PTK2B: variants seen among roughly 807,000 people sequenced by gnomAD.
PTK2B encodes the protein protein-tyrosine kinase 2-beta.
A neutral mutation model predicts 142.9 loss-of-function variants in PTK2B; 71 were observed. That is an observed-to-expected ratio of 0.50 (90% CI 0.41 to 0.61). The LOEUF is 0.61. Among genes scored for constraint, PTK2B ranks in the 20% least tolerant of loss-of-function variants. PTK2B has a pLI of 0.00. For missense variants in PTK2B, 1,105 were observed against 1,320.4 expected (o/e 0.84, Z 2.53); for synonymous variants, 519 against 503.4 (o/e 1.03, Z -0.42).
intron 2 of PTK2B, among the ~76,000 whole-genome samples, chr8:27,398,265 G>T (rs972459990): frequency 6.6e-6 from 1 of 152,190 alleles, no homozygotes; most frequent in African/African-American, 2.4e-5. Flanking sequence ...AAGTAGAGGT[G>T]CTTTGAGCCA....
intron 1 of PTK2B, among the ~76,000 whole-genome samples, chr8:27,338,585 A>G (rs189996206): frequency 1.3e-5 from 2 of 152,328 alleles, no homozygotes; most frequent in East Asian, 1.9e-4. Context: ...TGCTGAATCT[A>G]TATTATAGTA....
intron 2 of PTK2B, among the ~76,000 whole-genome samples, chr8:27,401,421 T>G (rs1434977059): frequency 6.6e-6 from 1 of 152,180 alleles, no homozygotes; most frequent in Non-Finnish European, 1.5e-5. Context: ...CATCTTTGTT[T>G]GGGCAATTTT....
In PTK2B at chr8:27,433,256, G is replaced by A. The variant is rs528061433; in HGVS notation, c.988-179G>A. ...GGCCTTTGGAGAGCATGGGCGTACA[G>A]GTGAAAGGGGTGACAGAGTGCAGTC... On this transcript the variant is annotated intron_variant, in intron 10 of 30. Transcript: ENST00000346049. 2.1e-5 allele frequency: 13 copies of A among 613,424 alleles called. No homozygotes were observed. The South Asian group carries it at 2.5e-4, about 12-fold the overall frequency. 38.0% of individuals were successfully genotyped at this position (613,424 alleles called of 1,614,324 possible).
chr8:27,401,595 G>A (rs965217614), intron 2 of PTK2B, among the ~76,000 whole-genome samples: 2 of 152,238 alleles, frequency 1.3e-5, no homozygotes, highest in African/African-American at 4.8e-5. Flanking sequence ...AAGTCCTGAA[G>A]TGGGAAGGCA....
At chr8:27,445,713 T>C in intron 23 of PTK2B, 81 bp from the exon 24 acceptor site, 2 of 1,582,284 alleles carry the variant, frequency 1.3e-6, no homozygotes, top group Non-Finnish European at 1.7e-6. Flanking sequence ...CATAGTTTCT[T>C]TGTGCTCGTG....
At chr8:27,361,493 G>A (rs1159576107) in intron 1 of PTK2B, among the ~76,000 whole-genome samples, 2 of 152,118 alleles carry the variant, frequency 1.3e-5, no homozygotes, top group East Asian at 3.9e-4. Context: ...CAAAGTGCTG[G>A]GATTACAGGC....
At chr8:27,423,393 TC>T (rs1158151906) in intron 5 of PTK2B, among the ~76,000 whole-genome samples, 1 of 152,092 alleles carries the variant, frequency 6.6e-6, no homozygotes, top group Admixed American at 6.6e-5. Context: ...TGCTTGCAAA[TC>T]ATAATCACCT....
chr8:27,321,958 C>A (rs1420652208), upstream of PTK2B, among the ~76,000 whole-genome samples: 3 of 151,710 alleles, frequency 2.0e-5, no homozygotes, highest in Admixed American at 2.0e-4. Context: ...TGATGAAGTA[C>A]TTTTTTCAGT....
At chr8:27,347,328 C>T (rs879668928) in intron 1 of PTK2B, among the ~76,000 whole-genome samples, 11 of 152,188 alleles carry the variant, frequency 7.2e-5, no homozygotes, top group East Asian at 3.9e-4. Flanking sequence ...TGCAGTGAGC[C>T]GAGATCCACC....
At chr8:27,389,166 A>C (rs1420956598) in intron 1 of PTK2B, among the ~76,000 whole-genome samples, 1 of 152,042 alleles carries the variant, frequency 6.6e-6, no homozygotes, top group Non-Finnish European at 1.5e-5. Context: ...CTGGATTATG[A>C]TCTAATAGAT....
intron 1 of PTK2B, among the ~76,000 whole-genome samples, chr8:27,357,161 AC>A (rs1563216411): frequency 6.6e-6 from 1 of 152,254 alleles, no homozygotes; most frequent in African/African-American, 2.4e-5. Flanking sequence ...TTATTATTCT[AC>A]AAGGTGTTCC....
At chr8:27,338,728 A>G (rs1341476583) in intron 1 of PTK2B, among the ~76,000 whole-genome samples, 1 of 152,262 alleles carries the variant, frequency 6.6e-6, no homozygotes, top group East Asian at 1.9e-4. Context: ...TAATTGAGAA[A>G]GCAACCCATA....
intron 24 of PTK2B, among the ~76,000 whole-genome samples, chr8:27,449,755 C>T (rs950562788): frequency 2.6e-5 from 4 of 152,136 alleles, no homozygotes; most frequent in African/African-American, 4.8e-5. Context: ...ACAAATGAAC[C>T]GTGGGGGAAG....
intron 1 of PTK2B, among the ~76,000 whole-genome samples, chr8:27,369,215 C>T (rs891265728): frequency 6.6e-6 from 1 of 152,198 alleles, no homozygotes; most frequent in Non-Finnish European, 1.5e-5. Context: ...TTCCTCCACA[C>T]CCCCTGCCCT....
At chr8:27,412,316 C>T (rs1022022547) in intron 2 of PTK2B, among the ~76,000 whole-genome samples, 1 of 152,162 alleles carries the variant, frequency 6.6e-6, no homozygotes, top group Admixed American at 6.5e-5. Context: ...CAGCCCCCAT[C>T]CTGAGGCTAG....
chr8:27,345,681 T>C (rs549870331), intron 1 of PTK2B, among the ~76,000 whole-genome samples: 3 of 152,370 alleles, frequency 2.0e-5, no homozygotes, highest in South Asian at 4.1e-4. Flanking sequence ...TGCAGACTTC[T>C]ATGCTGACTT....
upstream of PTK2B, among the ~76,000 whole-genome samples, chr8:27,321,085 C>G (rs1316367270): frequency 7.1e-6 from 1 of 140,280 alleles, no homozygotes; most frequent in Non-Finnish European, 1.5e-5. Flanking sequence ...TCCTCAGTCT[C>G]CTGGGCTCAA....
At chr8:27,342,825 C>A (rs76098325) in intron 1 of PTK2B, among the ~76,000 whole-genome samples, 12 of 152,332 alleles carry the variant, frequency 7.9e-5, no homozygotes, top group Non-Finnish European at 1.6e-4. Context: ...CTTTATCCCC[C>A]CTCAGTGGGT....
chr8:27,420,530 C>A, intron 3 of PTK2B, 127 bp from the exon 4 acceptor site: 1 of 867,498 alleles, frequency 1.2e-6, no homozygotes, highest in Non-Finnish European at 1.9e-6. Context: ...AATGAGTGGC[C>A]ACGAGACTCA....
Sources: gnomAD v4.1 joint callset for allele counts (sites outside exome capture counted in the v4.1 genomes callset) on GRCh38, gnomAD v4.1.1 for gene constraint, MANE v1.5 for transcripts, NCBI Gene and HGNC (gene_info 2026-07-23, HGNC 2026-07-21) for gene names.